The following DPP6 variants were observed in gnomAD, a reference collection of about 807,000 sequenced individuals.
DPP6 encodes A-type potassium channel modulatory protein DPP6.
A neutral mutation model predicts 122.6 loss-of-function variants in DPP6; 69 were observed. The ratio of observed to expected loss-of-function variants is 0.56; its 90% CI spans 0.46 to 0.69. The LOEUF is 0.69. Among genes scored for constraint, DPP6 ranks in the 30% least tolerant of loss-of-function variants. The pLI is 0.00. For synonymous variants in DPP6, 418 were observed against 433.1 expected (o/e 0.97, Z 0.43); for missense variants, 928 against 1,116.9 (o/e 0.83, Z 2.41).
In DPP6 at chr7:154,241,230, T is replaced by TATAGAG. The variant is rs1013241767; in HGVS notation, c.243+188168_243+188169insTAGAGA. Among the ~76,000 whole-genome samples, 6 of 149,150 alleles carry TATAGAG rather than the reference T, an allele frequency of 4.0e-5. No individual in the cohort carries two copies. The highest frequency in any genetic ancestry group is 1.5e-4 in the African/African-American group (6 of 40,250). ...GTGTGTGTGTGTGTGTATATATATA[T>TATAGAG]AGAGAGAGAGAGAGACACTTTTATC... is the stretch of plus-strand genomic sequence containing the variant. On this transcript the variant is annotated intron_variant, in intron 1 of 25. Transcript: ENST00000377770. This position sits in a 1 kb window ranked among gnomAD's most constrained non-coding sequence, Gnocchi z 9.0.
chr7:154,325,609 C>T (rs1808381524), intron 1 of DPP6, among the ~76,000 whole-genome samples: 1 of 152,128 alleles, frequency 6.6e-6, no homozygotes, highest in African/African-American at 2.4e-5. Context: ...ATAGAGCAAC[C>T]TTTCTTAATT....
the DPP6 span, among the ~76,000 whole-genome samples, chr7:153,864,510 G>A: frequency 6.6e-6 from 1 of 151,988 alleles, no homozygotes; most frequent in African/African-American, 2.4e-5. Context: ...CCAAAAATTA[G>A]CTGGGCATGG....
At chr7:154,078,736 C>T (rs995931932) in intron 1 of DPP6, among the ~76,000 whole-genome samples, 18 of 151,936 alleles carry the variant, frequency 1.2e-4, no homozygotes, top group African/African-American at 2.4e-4. Context: ...ACTGTGTTTT[C>T]GCTTGACACA....
At chr7:154,448,439 A>C (rs1820072188) in intron 2 of DPP6, among the ~76,000 whole-genome samples, 1 of 152,244 alleles carries the variant, frequency 6.6e-6, no homozygotes, top group Non-Finnish European at 1.5e-5. Flanking sequence ...AGACCTAAGT[A>C]AATGGAAGTA....
At chr7:154,629,564 C>G (rs1835286983) in intron 5 of DPP6, among the ~76,000 whole-genome samples, 1 of 152,060 alleles carries the variant, frequency 6.6e-6, no homozygotes, top group Non-Finnish European at 1.5e-5. Context: ...GTTCTTGATT[C>G]TAGCTTAAGA....
At chr7:154,400,031 G>A (rs1815433218) in intron 1 of DPP6, among the ~76,000 whole-genome samples, 1 of 152,114 alleles carries the variant, frequency 6.6e-6, no homozygotes. Flanking sequence ...GGTGTGTGTG[G>A]GAGGAGCATA....
At chr7:154,830,006 C>T (rs1194541346) in intron 16 of DPP6, among the ~76,000 whole-genome samples, 1 of 152,188 alleles carries the variant, frequency 6.6e-6, no homozygotes, top group Non-Finnish European at 1.5e-5. Flanking sequence ...GTTCTCACCA[C>T]CCGATAGCTC....
At chr7:154,728,026 G>A (rs1156407482) in intron 8 of DPP6, 139 bp downstream of exon 8, 1 of 1,395,684 alleles carries the variant, frequency 7.2e-7, no homozygotes, top group Non-Finnish European at 9.4e-7. Context: ...AAATTTAAAA[G>A]ATTTTGTTAG....
At chr7:154,594,601 A>G (rs994724140) in intron 5 of DPP6, among the ~76,000 whole-genome samples, 1 of 151,458 alleles carries the variant, frequency 6.6e-6, no homozygotes, top group Non-Finnish European at 1.5e-5. Context: ...AATCATATCC[A>G]CTCTTATGTT....
intron 1 of DPP6, among the ~76,000 whole-genome samples, chr7:154,104,713 T>C (rs1457416567): frequency 6.6e-6 from 1 of 152,254 alleles, no homozygotes; most frequent in Admixed American, 6.5e-5. Flanking sequence ...CTGGGAGTGG[T>C]GGCACACCTC....
At chr7:154,885,311 GACGCTGAGCCTGAAGGACAGC>G (rs1487256024) in intron 21 of DPP6, 3 of 248,924 alleles carry the variant, frequency 1.2e-5, no homozygotes, top group Non-Finnish European at 2.3e-5. Context: ...GCCATAAAGA[GACGCTGAGCCTGAAGGACAGC>G]ACCTTACACC....
In DPP6 at chr7:154,184,817, C is replaced by G. The variant is rs143388198; in HGVS notation, c.243+131754C>G. On this transcript the variant is annotated intron_variant, in intron 1 of 25. Transcript: ENST00000377770. ...CTAAATGTTGGGAATCTAATTTTAACTGATCTGCAGCAGAAGCAATCAGCA... is the reference window on the plus strand; with the variant it reads ...CTAAATGTTGGGAATCTAATTTTAAGTGATCTGCAGCAGAAGCAATCAGCA... Among the ~76,000 whole-genome samples the G allele has an allele frequency of 7.3e-3, 1,115 of 152,184 alleles. 12 individuals are homozygous for G. Among genetic ancestry groups the G allele is most frequent in the African/African-American group, 0.022 (896 of 41,520 alleles).
intron 1 of DPP6, among the ~76,000 whole-genome samples, chr7:154,211,971 A>C (rs955991570): frequency 1.2e-5 from 1 of 83,378 alleles, no homozygotes; most frequent in Non-Finnish European, 3.6e-5. Context: ...GGCTTGTCAC[A>C]GCGCCCTGCC....
At chr7:154,679,726 C>T (rs1839167973) in intron 7 of DPP6, among the ~76,000 whole-genome samples, 1 of 152,188 alleles carries the variant, frequency 6.6e-6, no homozygotes, top group East Asian at 1.9e-4. Flanking sequence ...AGCCTCTAAT[C>T]AGCTTGGGTT....
chr7:153,801,828 TG>T, the DPP6 span, among the ~76,000 whole-genome samples: 1 of 152,150 alleles, frequency 6.6e-6, no homozygotes, highest in African/African-American at 2.4e-5. Context: ...AGACTGGCCA[TG>T]GTTCATTAAA....
chr7:154,437,188 A>G (rs1037730375), intron 1 of DPP6, among the ~76,000 whole-genome samples: 7 of 152,312 alleles, frequency 4.6e-5, no homozygotes, highest in African/African-American at 1.2e-4. Flanking sequence ...TCTGCAGCCA[A>G]TCATTTCTCT....
chr7:153,770,111 G>A, the DPP6 span, among the ~76,000 whole-genome samples: 2 of 152,118 alleles, frequency 1.3e-5, no homozygotes, highest in Non-Finnish European at 2.9e-5. Flanking sequence ...GGAGATGCTG[G>A]ACTCAGCCTG....
chr7:154,669,251 C>G, intron 6 of DPP6, 109 bp from the exon 7 acceptor site: 1 of 1,496,002 alleles, frequency 6.7e-7, no homozygotes, highest in Non-Finnish European at 9.1e-7. Flanking sequence ...AAATGGATAC[C>G]ATGGAAGGAG....
intron 16 of DPP6, among the ~76,000 whole-genome samples, chr7:154,809,629 A>G (rs1798919555): frequency 6.6e-6 from 1 of 152,212 alleles, no homozygotes; most frequent in Admixed American, 6.5e-5. Flanking sequence ...TAGAATGGGA[A>G]AAGAAAGGGA....
Sources: gnomAD v4.1 joint callset for allele counts (sites outside exome capture counted in the v4.1 genomes callset) on GRCh38, gnomAD v4.1.1 for gene constraint, Gnocchi (gnomAD v3.1) non-coding constraint, MANE v1.5 for transcripts, NCBI Gene and HGNC (gene_info 2026-07-23, HGNC 2026-07-21) for gene names.